LUZP2: variants seen among roughly 807,000 people sequenced by gnomAD.
LUZP2 encodes leucine zipper protein 2.
LUZP2 carries 52 observed loss-of-function variants against 51.6 expected under a neutral mutation model. That is an observed-to-expected ratio of 1.01 (90% confidence interval 0.81 to 1.27). LUZP2 has a LOEUF of 1.27. Among genes scored for constraint, LUZP2 ranks in the 50% most tolerant of loss-of-function variants. The pLI, the probability that LUZP2 is intolerant of heterozygous loss-of-function variation, is 0.00. For synonymous variants in LUZP2, 154 were observed against 137.3 expected (o/e 1.12, Z -0.85); for missense variants, 436 against 395.4 (o/e 1.10, Z -0.87).
At chr11:24,673,557 G>GAAA in intron 1 of LUZP2, among the ~76,000 whole-genome samples, 1 of 152,220 alleles carries the variant, frequency 6.6e-6, no homozygotes, top group Non-Finnish European at 1.5e-5. Flanking sequence ...AGACACCTCC[G>GAAA]TTTTCTTTTC....
chr11:24,566,052 TA>T (rs986810770), intron 1 of LUZP2, among the ~76,000 whole-genome samples: 60 of 151,144 alleles, frequency 4.0e-4, no homozygotes, highest in African/African-American at 1.2e-3. Context: ...GCAACAATAA[TA>T]AAAAAAATTA....
At chr11:24,629,437 C>A (rs1854797860) in intron 1 of LUZP2, among the ~76,000 whole-genome samples, 3 of 148,976 alleles carry the variant, frequency 2.0e-5, no homozygotes, top group South Asian at 4.2e-4. Flanking sequence ...AACAGTATTC[C>A]ATTGCATATA....
chr11:25,011,303 T>A (rs1452089376), intron 9 of LUZP2, among the ~76,000 whole-genome samples: 1 of 152,186 alleles, frequency 6.6e-6, no homozygotes, highest in Non-Finnish European at 1.5e-5. Context: ...ATCCATAAAC[T>A]TATTCTATCA....
At chr11:24,879,214 G>C (rs1043893710) in intron 5 of LUZP2, among the ~76,000 whole-genome samples, 2 of 152,106 alleles carry the variant, frequency 1.3e-5, no homozygotes, top group African/African-American at 4.8e-5. Context: ...AAAGTACTGG[G>C]ATTACAGGCG....
intron 5 of LUZP2, among the ~76,000 whole-genome samples, chr11:24,779,208 T>C (rs1282835968): frequency 6.6e-6 from 1 of 152,194 alleles, no homozygotes; most frequent in Non-Finnish European, 1.5e-5. Context: ...ATTTTCTGCG[T>C]TATTTCTAGC....
intron 1 of LUZP2, among the ~76,000 whole-genome samples, chr11:24,689,500 C>G (rs1404873149): frequency 6.6e-6 from 1 of 152,154 alleles, no homozygotes; most frequent in Non-Finnish European, 1.5e-5. Context: ...CAGGTGCTTT[C>G]TATCTATTGG....
intron 1 of LUZP2, among the ~76,000 whole-genome samples, chr11:24,538,702 T>A (rs1381225564): frequency 6.6e-6 from 1 of 151,432 alleles, no homozygotes. Flanking sequence ...AAAAAATAAG[T>A]CCATTTCTGA....
chr11:25,044,942 A>G (rs896008553), intron 9 of LUZP2, among the ~76,000 whole-genome samples: 11 of 151,500 alleles, frequency 7.3e-5, no homozygotes, highest in Non-Finnish European at 1.5e-4. Flanking sequence ...CATCATTCTC[A>G]GCAAAGTATC....
intron 5 of LUZP2, among the ~76,000 whole-genome samples, chr11:24,844,811 G>T (rs1954322180): frequency 6.6e-6 from 1 of 152,148 alleles, no homozygotes; most frequent in Admixed American, 6.5e-5. Context: ...CCCAAGTCTT[G>T]GCAGCTTCCA....
intron 10 of LUZP2, among the ~76,000 whole-genome samples, chr11:25,058,739 C>G (rs1255386175): frequency 4.6e-5 from 7 of 152,242 alleles, no homozygotes; most frequent in Non-Finnish European, 4.4e-5. Context: ...GAACTTTCCT[C>G]CCTTCCCCTC....
chr11:24,836,904 G>T (rs1378537026), intron 5 of LUZP2, among the ~76,000 whole-genome samples: 1 of 151,818 alleles, frequency 6.6e-6, no homozygotes, highest in Non-Finnish European at 1.5e-5. Flanking sequence ...TTGGATTAAA[G>T]TTGAGATCCT....
At chr11:25,065,607 A>G (rs898182185) in intron 10 of LUZP2, among the ~76,000 whole-genome samples, 4 of 152,042 alleles carry the variant, frequency 2.6e-5, no homozygotes, top group African/African-American at 4.8e-5. Context: ...CTTCTTTGTC[A>G]TGAAATCTCT....
chr11:24,541,410 G>T (rs941221692), intron 1 of LUZP2, among the ~76,000 whole-genome samples: 1 of 152,058 alleles, frequency 6.6e-6, no homozygotes, highest in Non-Finnish European at 1.5e-5. Context: ...GTCCCTGACA[G>T]TTAACTTGGT....
chr11:24,539,938 A>G (rs999592411), intron 1 of LUZP2, among the ~76,000 whole-genome samples: 5 of 152,026 alleles, frequency 3.3e-5, no homozygotes, highest in Admixed American at 2.6e-4. Context: ...CTTCATCACC[A>G]TTATTATGAT....
intron 1 of LUZP2, among the ~76,000 whole-genome samples, chr11:24,558,899 C>A (rs1428878320): frequency 6.6e-6 from 1 of 152,090 alleles, no homozygotes; most frequent in African/African-American, 2.4e-5. Context: ...TTTCCAAACC[C>A]CAGAGTGTAA....
At chr11:24,815,715 T>C (rs1025378713) in intron 5 of LUZP2, among the ~76,000 whole-genome samples, 1 of 152,130 alleles carries the variant, frequency 6.6e-6, no homozygotes, top group African/African-American at 2.4e-5. Flanking sequence ...TCAACTTCCT[T>C]GGAAAGCTGA....
chr11:24,690,875 A>C (rs1369620785), intron 1 of LUZP2, among the ~76,000 whole-genome samples: 5 of 152,098 alleles, frequency 3.3e-5, no homozygotes, highest in African/African-American at 1.2e-4. Context: ...TGAAAGATAC[A>C]GAACCAGAAA....
chr11:24,919,581 C>T (rs1399922520), intron 7 of LUZP2, among the ~76,000 whole-genome samples: 1 of 143,674 alleles, frequency 7.0e-6, no homozygotes, highest in Non-Finnish European at 1.5e-5. Context: ...AATTTAAATA[C>T]ACAGGATAGC....
At chr11:24,716,636 T>G (rs1462281259) in intron 1 of LUZP2, among the ~76,000 whole-genome samples, 1 of 152,010 alleles carries the variant, frequency 6.6e-6, no homozygotes, top group African/African-American at 2.4e-5. Context: ...GTGGCTCAAG[T>G]CTGTAATCCC....
Sources: allele counts gnomAD v4.1 joint callset (sites outside exome capture counted in the v4.1 genomes callset), GRCh38; gene constraint gnomAD v4.1.1; transcripts MANE v1.5; gene names NCBI Gene and HGNC (gene_info 2026-07-23, HGNC 2026-07-21).